GAREM1: variants seen among roughly 807,000 people sequenced by gnomAD.
GAREM1 encodes GRB2 associated regulator of MAPK1 subtype 1.
GAREM1 carries 26 observed loss-of-function variants against 71.3 expected under a neutral mutation model. That is an observed-to-expected ratio of 0.36 (90% confidence interval 0.27 to 0.51). The LOEUF (loss-of-function observed/expected upper bound fraction) is 0.51, where lower values mean the gene tolerates loss of function less well. Among genes scored for constraint, GAREM1 ranks in the 20% least tolerant of loss-of-function variants. GAREM1 has a pLI of 0.95. For synonymous variants in GAREM1, 440 were observed against 433.2 expected (o/e 1.02, Z -0.20); for missense variants, 1,026 against 1,103.1 (o/e 0.93, Z 0.99).
At position 32,352,629 on chromosome 18, in the gene GAREM1, G is replaced by GTGGGACAGGGGGTTTAGGT. The variant is rs2047763381; in HGVS notation, c.262+40265_262+40266insACCTAAACCCCCTGTCCCA. ...AGAAAGAGGGGACAGGGGGTTTAGG[G>GTGGGACAGGGGGTTTAGGT]TAGGCCAGTGAGGACTTTTCCCTCA... On this transcript the variant is annotated intron_variant, in intron 2 of 5. Transcript: ENST00000269209. Among the ~76,000 whole-genome samples the GTGGGACAGGGGGTTTAGGT allele has an allele frequency of 2.6e-5, 4 of 152,002 alleles. No individual in the cohort carries two copies. The South Asian group carries it at 8.3e-4, about 32-fold the overall frequency.
chr18:32,466,298 TA>T (rs1284913501), intron 1 of GAREM1, among the ~76,000 whole-genome samples: 1 of 151,890 alleles, frequency 6.6e-6, no homozygotes, highest in African/African-American at 2.4e-5. Context: ...TTTAAAGAGA[TA>T]AAGAAAAGGT....
intron 1 of GAREM1, among the ~76,000 whole-genome samples, chr18:32,469,373 C>CCACAG (rs1431081620): frequency 3.3e-5 from 5 of 152,144 alleles, no homozygotes; most frequent in African/African-American, 9.7e-5. Flanking sequence ...CACAGCTGCC[C>CCACAG]CACAGCAGGG....
At chr18:32,318,621 A>G (rs1156986141) in intron 2 of GAREM1, among the ~76,000 whole-genome samples, 1 of 152,220 alleles carries the variant, frequency 6.6e-6, no homozygotes, top group Non-Finnish European at 1.5e-5. Flanking sequence ...GCAGCTCCGC[A>G]TGATGTGTGC....
intron 3 of GAREM1, among the ~76,000 whole-genome samples, chr18:32,291,529 T>C (rs777947082): frequency 3.0e-4 from 46 of 152,042 alleles, no homozygotes; most frequent in Non-Finnish European, 4.0e-4. Flanking sequence ...TTCTGGGATA[T>C]GTGTGCAGAA....
At chr18:32,438,522 T>C (rs545648459) in intron 1 of GAREM1, among the ~76,000 whole-genome samples, 3 of 152,314 alleles carry the variant, frequency 2.0e-5, no homozygotes, top group Admixed American at 6.5e-5. Flanking sequence ...AGGACAGGGG[T>C]TAGCGACAAT....
intron 4 of GAREM1, among the ~76,000 whole-genome samples, chr18:32,283,334 C>T (rs2046973978): frequency 6.6e-6 from 1 of 152,150 alleles, no homozygotes; most frequent in Non-Finnish European, 1.5e-5. Context: ...CACTTGAGGT[C>T]AGGAGCTCAA....
At chr18:32,279,297 G>A (rs192299638) in intron 4 of GAREM1, among the ~76,000 whole-genome samples, 1 of 152,276 alleles carries the variant, frequency 6.6e-6, no homozygotes, top group Non-Finnish European at 1.5e-5. Flanking sequence ...CTGCACAGCA[G>A]GAGGCGAGCA....
At chr18:32,416,510 G>T (rs1159536825) in intron 1 of GAREM1, among the ~76,000 whole-genome samples, 1 of 152,058 alleles carries the variant, frequency 6.6e-6, no homozygotes, top group Admixed American at 6.6e-5. Flanking sequence ...GCATGGTACT[G>T]GCATAACAAC....
intron 3 of GAREM1, 55 bp downstream of exon 3, chr18:32,310,138 G>T: frequency 6.3e-7 from 1 of 1,591,426 alleles, no homozygotes; most frequent in South Asian, 1.1e-5. Context: ...ATCCAGACTT[G>T]AAAGTTAAAT....
chr18:32,424,652 G>A (rs1401127261), intron 1 of GAREM1, among the ~76,000 whole-genome samples: 1 of 152,152 alleles, frequency 6.6e-6, no homozygotes, highest in Non-Finnish European at 1.5e-5. Context: ...GGAACCAGAT[G>A]AGATCATTTT....
At chr18:32,311,017 C>A (rs1270177752) in intron 2 of GAREM1, among the ~76,000 whole-genome samples, 1 of 152,106 alleles carries the variant, frequency 6.6e-6, no homozygotes, top group Non-Finnish European at 1.5e-5. Context: ...CCTTTTACTG[C>A]TATATATGAA....
intron 4 of GAREM1, 152 bp from the exon 5 acceptor site, chr18:32,270,535 T>C (rs185171926): frequency 4.9e-6 from 3 of 610,124 alleles, no homozygotes; most frequent in Admixed American, 6.7e-5. Context: ...ACAAGAATGA[T>C]AGGAAGCACA....
chr18:32,335,912 C>A (rs1469358544), intron 2 of GAREM1, among the ~76,000 whole-genome samples: 1 of 152,114 alleles, frequency 6.6e-6, no homozygotes, highest in Non-Finnish European at 1.5e-5. Flanking sequence ...TGATGGTGGG[C>A]TGTGGAAGAG....
At chr18:32,414,535 TG>T (rs2048449752) in intron 1 of GAREM1, among the ~76,000 whole-genome samples, 1 of 151,792 alleles carries the variant, frequency 6.6e-6, no homozygotes, top group South Asian at 2.1e-4. Flanking sequence ...TGACCACAAC[TG>T]AATAAACCTA....
intron 1 of GAREM1, among the ~76,000 whole-genome samples, chr18:32,462,574 G>A (rs1189963053): frequency 3.9e-5 from 6 of 152,114 alleles, no homozygotes; most frequent in Non-Finnish European, 7.4e-5. Context: ...TTTTTGCTCC[G>A]TTGATTGTTT....
intron 1 of GAREM1, among the ~76,000 whole-genome samples, chr18:32,456,333 A>T (rs1182008558): frequency 6.6e-6 from 1 of 152,126 alleles, no homozygotes; most frequent in Non-Finnish European, 1.5e-5. Flanking sequence ...ACATATATAT[A>T]AAAAGAGAGC....
chr18:32,401,475 A>C (rs986439274), intron 1 of GAREM1, among the ~76,000 whole-genome samples: 1 of 152,146 alleles, frequency 6.6e-6, no homozygotes, highest in African/African-American at 2.4e-5. Flanking sequence ...TGTAGAGCAG[A>C]GATCGAGACT....
chr18:32,279,835 T>C (rs539920041), intron 4 of GAREM1, among the ~76,000 whole-genome samples: 1 of 152,186 alleles, frequency 6.6e-6, no homozygotes, highest in African/African-American at 2.4e-5. Flanking sequence ...AGATTTTCAA[T>C]AGACACAGAA....
chr18:32,314,813 T>C (rs1567961159), intron 2 of GAREM1, among the ~76,000 whole-genome samples: 2 of 151,992 alleles, frequency 1.3e-5, no homozygotes, highest in African/African-American at 4.8e-5. Context: ...GGTCTCAAAC[T>C]CCTGACCTCG....
Sources: gnomAD v4.1 joint callset for allele counts (sites outside exome capture counted in the v4.1 genomes callset) on GRCh38, gnomAD v4.1.1 for gene constraint, MANE v1.5 for transcripts, NCBI Gene and HGNC (gene_info 2026-07-23, HGNC 2026-07-21) for gene names.